TPM3: variants seen among roughly 807,000 people sequenced by gnomAD.
The protein encoded by TPM3 is tropomyosin 3.
Under a neutral mutation model 43.1 loss-of-function variants are expected in TPM3, and 16 were observed. That is an observed-to-expected ratio of 0.37 (90% CI 0.25 to 0.56). The LOEUF is 0.56. Among genes scored for constraint, TPM3 ranks in the 20% least tolerant of loss-of-function variants. The pLI, the probability that TPM3 is intolerant of heterozygous loss-of-function variation, is 0.77. For missense variants in TPM3, 176 were observed against 337.2 expected (o/e 0.52, Z 3.74); for synonymous variants, 101 against 116.9 (o/e 0.86, Z 0.88).
chr1:154,181,444 CAT>C (rs1662936010), intron 2 of TPM3, among the ~76,000 whole-genome samples: 1 of 152,170 alleles, frequency 6.6e-6, no homozygotes, highest in Non-Finnish European at 1.5e-5. Flanking sequence ...GAATAAACCA[CAT>C]GAGTACTTTC....
At chr1:154,169,649 CA>C in intron 8 of TPM3, 1 of 557,678 alleles carries the variant, frequency 1.8e-6, no homozygotes, top group Non-Finnish European at 3.2e-6. Context: ...TTCCTATTAC[CA>C]AAAGCACTCA....
chr1:154,187,434 T>C, intron 2 of TPM3: 1 of 984,692 alleles, frequency 1.0e-6, no homozygotes, highest in Non-Finnish European at 1.2e-6. Flanking sequence ...ACTTTCTGAC[T>C]TGGGAAAGCT....
chr1:154,155,891 C>A (rs1320888745), downstream of TPM3: 1 of 206,778 alleles, frequency 4.8e-6, no homozygotes, highest in Non-Finnish European at 9.9e-6. Flanking sequence ...CAATACTTAT[C>A]TCCATTTTAC....
At chr1:154,172,734 A>G (rs1253220603) in intron 5 of TPM3, 174 bp downstream of exon 5, 1 of 781,448 alleles carries the variant, frequency 1.3e-6, no homozygotes, top group Non-Finnish European at 2.2e-6. Flanking sequence ...ACTAGTCAGG[A>G]GAATAAGGAA....
chr1:154,170,378 A>G lies in TPM3; in HGVS notation c.775+22T>C, dbSNP rs200043160. 8.2e-4 allele frequency: 1,320 copies of G among 1,613,368 alleles called. No homozygotes were observed. Among genetic ancestry groups the G allele is most frequent in the Non-Finnish European group, 1.0e-3 (1,178 of 1,179,384 alleles). ...TCTTCCTCTATATTTCTCTATTTCA[A>G]TCCCTACTCCAGGTTCCATACCTTC... is the stretch of plus-strand genomic sequence containing the variant. On this transcript the variant is annotated intron_variant, in intron 8 of 9. Coordinates refer to ENST00000651641, the MANE Select transcript of TPM3 (RefSeq NM_152263.4).
At chr1:154,176,352 T>G in intron 2 of TPM3, 104 bp from the exon 3 acceptor site, 1 of 1,534,126 alleles carries the variant, frequency 6.5e-7, no homozygotes, top group Non-Finnish European at 8.9e-7. Context: ...AAAGCCAGAG[T>G]CTCGCAGGGT....
intron 3 of TPM3, among the ~76,000 whole-genome samples, chr1:154,174,476 C>G (rs1300959797): frequency 1.4e-5 from 2 of 138,430 alleles, no homozygotes; most frequent in Non-Finnish European, 3.1e-5. Flanking sequence ...ACTTGTTTTC[C>G]ACACTCTTTT....
chr1:154,164,205 A>C lies in TPM3; in HGVS notation c.*3732T>G, dbSNP rs1229518402. 6.6e-6 allele frequency among the ~76,000 whole-genome samples: 1 copy of C among 151,996 alleles called. No individual in the cohort carries two copies. Among genetic ancestry groups the C allele is most frequent in the Non-Finnish European group, 1.5e-5 (1 of 68,010 alleles). On this transcript the variant is annotated 3_prime_UTR_variant, in exon 10 of 10. Transcript: ENST00000651641. Reference sequence around the variant, plus strand: ...TGGGGGGGGTCTCATTCTGCCACCCAGGATGGAGTGCAGCAGTGTGATCAC... The same window carrying C: ...TGGGGGGGGTCTCATTCTGCCACCCCGGATGGAGTGCAGCAGTGTGATCAC...
In TPM3 at chr1:154,165,180, G is replaced by A. The variant is rs897434039; in HGVS notation, c.*2757C>T. On this transcript the variant is annotated 3_prime_UTR_variant, in exon 10 of 10. Coordinates refer to ENST00000651641, the MANE Select transcript of TPM3 (RefSeq NM_152263.4). ...GTGGATCACTTGAGGTCAGGAGTTC[G>A]CGACCAGCCTGGCCAACATGCTGAA... Among the ~76,000 whole-genome samples the A allele has an allele frequency of 1.3e-5, 2 of 149,468 alleles. No individual in the cohort carries two copies. Among genetic ancestry groups the A allele is most frequent in the East Asian group, 2.0e-4 (1 of 4,928 alleles).
Position 154,183,558 on chromosome 1 carries a change from C to G in TPM3, c.244-7310G>C, listed in dbSNP as rs181262250. On this transcript the variant is annotated intron_variant, in intron 2 of 9. Coordinates refer to ENST00000651641, the MANE Select transcript of TPM3 (RefSeq NM_152263.4). ...CAATGCCGATACCCGTCACCCCTCA[C>G]TGTATTTGCTCCACAATATAAACAT... 328 of 338,982 alleles carry G rather than the reference C, an allele frequency of 9.7e-4. 2 individuals are homozygous for G. Among genetic ancestry groups the G allele is most frequent in the African/African-American group, 6.5e-3 (307 of 47,198 alleles). 21.0% of individuals were successfully genotyped at this position (338,982 alleles called of 1,614,324 possible).
intron 9 of TPM3, 126 bp downstream of exon 9, chr1:154,169,179 T>A: frequency 9.5e-7 from 1 of 1,057,906 alleles, no homozygotes; most frequent in South Asian, 1.3e-5. Flanking sequence ...GCACCAATGT[T>A]TCAAAGATAA....
intron 2 of TPM3, among the ~76,000 whole-genome samples, chr1:154,187,831 C>A (rs992119506): frequency 1.3e-5 from 2 of 151,510 alleles, no homozygotes; most frequent in Non-Finnish European, 2.9e-5. Context: ...CCCAATTTCT[C>A]ACAAAACTGT....
chr1:154,179,788 T>A (rs1662746023), intron 2 of TPM3, among the ~76,000 whole-genome samples: 1 of 152,082 alleles, frequency 6.6e-6, no homozygotes, highest in African/African-American at 2.4e-5. Flanking sequence ...TTTCATCAGA[T>A]CCACAGGTGG....
At chr1:154,175,974 C>A in intron 3 of TPM3, 141 bp downstream of exon 3, 1 of 1,388,100 alleles carries the variant, frequency 7.2e-7, no homozygotes, top group Non-Finnish European at 1.0e-6. Flanking sequence ...CCTGCCTCAG[C>A]GTCCCAAAGT....
At chr1:154,186,955 T>C (rs1204061143) in intron 2 of TPM3, among the ~76,000 whole-genome samples, 2 of 151,692 alleles carry the variant, frequency 1.3e-5, no homozygotes, top group Non-Finnish European at 2.9e-5. Context: ...ACTGCTTATA[T>C]CTACTTCAAG....
chr1:154,170,873 T>A (rs1178218026), intron 6 of TPM3, 162 bp from the exon 7 acceptor site: 1 of 638,708 alleles, frequency 1.6e-6, no homozygotes, highest in Non-Finnish European at 2.8e-6. Flanking sequence ...GTCCTTGAAA[T>A]TCAGAAATCT....
At chr1:154,190,927 AT>A (rs897063546) in intron 2 of TPM3, among the ~76,000 whole-genome samples, 4 of 152,190 alleles carry the variant, frequency 2.6e-5, no homozygotes, top group African/African-American at 9.7e-5. Context: ...AGATAATTAA[AT>A]TCCTGGGTTG....
intron 2 of TPM3, among the ~76,000 whole-genome samples, chr1:154,182,016 G>A (rs974540050): frequency 6.8e-6 from 1 of 146,930 alleles, no homozygotes; most frequent in Non-Finnish European, 1.5e-5. Context: ...TTCCACTAGA[G>A]TCACCTGGAA....
At chr1:154,188,006 T>G (rs1663483214) in intron 2 of TPM3, among the ~76,000 whole-genome samples, 1 of 151,342 alleles carries the variant, frequency 6.6e-6, no homozygotes, top group Admixed American at 6.6e-5. Flanking sequence ...GGTAGGGTTG[T>G]TTGTTTGTTT....
Sources: allele counts gnomAD v4.1 joint callset (sites outside exome capture counted in the v4.1 genomes callset), GRCh38; gene constraint gnomAD v4.1.1; transcripts MANE v1.5; gene names NCBI Gene and HGNC (gene_info 2026-07-23, HGNC 2026-07-21).